Variants in UNG observed in about 807,000 individuals in gnomAD.
UNG encodes the protein uracil DNA glycosylase.
In UNG, 34 loss-of-function variants were observed where a neutral mutation model predicts 36.5. That is an observed-to-expected ratio of 0.93 (90% confidence interval 0.71 to 1.24). UNG has a LOEUF of 1.24. Ranked by LOEUF, UNG falls within the 50% of genes most tolerant of loss-of-function variation. The pLI is 0.00. For missense variants in UNG, 391 were observed against 397.6 expected (o/e 0.98, Z 0.14); for synonymous variants, 172 against 157.8 (o/e 1.09, Z -0.67).
At chr12:109,098,348 C>T (rs763098966) in intron 1 of UNG, 84 bp from the exon 2 acceptor site, 11 of 1,603,580 alleles carry the variant, frequency 6.9e-6, no homozygotes, top group Middle Eastern at 1.7e-4. Flanking sequence ...CTGCCTTGGG[C>T]CGTGGGGGTT....
At chr12:109,105,708 C>G (rs894028693) in intron 6 of UNG, among the ~76,000 whole-genome samples, 6 of 152,204 alleles carry the variant, frequency 3.9e-5, no homozygotes, top group Non-Finnish European at 7.3e-5. Flanking sequence ...ACCTCTCTTT[C>G]TCCCCTCTTC....
chr12:109,103,417 T>C lies in UNG; in HGVS notation c.623-16T>C. On this transcript the variant is annotated splice_polypyrimidine_tract_variant and intron_variant, in intron 5 of 6. Transcript: ENST00000242576. ...TGCCTGAGCCTACATTTAACCTGTT[T>C]CTCTCATGTGTATAGGTGTTCTCCT... 6.2e-7 allele frequency: 1 copy of C among 1,613,698 alleles called. No homozygotes were observed. The highest frequency in any genetic ancestry group is 8.5e-7 in the Non-Finnish European group (1 of 1,179,652).
intron 6 of UNG, among the ~76,000 whole-genome samples, chr12:109,109,464 A>C: frequency 6.7e-6 from 1 of 149,968 alleles, no homozygotes; most frequent in Non-Finnish European, 1.5e-5. Flanking sequence ...TGCAACAGCC[A>C]CAGTCCTTCC....
chr12:109,109,452 A>G (rs1301685117), intron 6 of UNG, among the ~76,000 whole-genome samples: 1 of 151,492 alleles, frequency 6.6e-6, no homozygotes, highest in East Asian at 1.9e-4. Flanking sequence ...AGGGTCTTAA[A>G]GTGCAACAGC....
Position 109,110,067 on chromosome 12 carries a change from G to C in UNG, c.*98G>C. On this transcript the variant is annotated 3_prime_UTR_variant, in exon 7 of 7. Transcript: ENST00000242576. ...TTTCCTATTAATTCTTAAGTACTCT[G>C]CATAAGGGGGAAAAGCTTCCAGAAA... 6.5e-7 allele frequency: 1 copy of C among 1,542,782 alleles called. No individual in the cohort carries two copies. Among genetic ancestry groups the C allele is most frequent in the Non-Finnish European group, 8.8e-7 (1 of 1,130,868 alleles).
chr12:109,099,348 G>A, intron 3 of UNG, 64 bp downstream of exon 3: 1 of 1,377,892 alleles, frequency 7.3e-7, no homozygotes, highest in Non-Finnish European at 1.0e-6. Flanking sequence ...TTTAAATTAG[G>A]GACACTGGAG....
Position 109,110,024 on chromosome 12 carries a change from CGAA to C in UNG, c.*57_*59del. On this transcript the variant is annotated 3_prime_UTR_variant, in exon 7 of 7. Coordinates refer to ENST00000242576, the MANE Select transcript of UNG (RefSeq NM_080911.3). The stretch of plus-strand genomic sequence containing the variant: ...CTGCTGTTAACGTATTTGCCAGTTA[CGAA>C]GTTCCACTGAAAATTTTCCTATTAA... 1 of 1,612,626 alleles carries C rather than the reference CGAA, an allele frequency of 6.2e-7. No individual in the cohort carries two copies. The highest frequency in any genetic ancestry group is 1.1e-5 in the South Asian group (1 of 91,036).
At chr12:109,102,415 T>G (rs1593321393) in intron 4 of UNG, among the ~76,000 whole-genome samples, 1 of 148,848 alleles carries the variant, frequency 6.7e-6, no homozygotes, top group Admixed American at 6.8e-5. Flanking sequence ...GAGGCGGAGG[T>G]GGCAGTGAGC....
chr12:109,108,600 C>G (rs1225884364), intron 6 of UNG, among the ~76,000 whole-genome samples: 1 of 152,026 alleles, frequency 6.6e-6, no homozygotes, highest in Non-Finnish European at 1.5e-5. Context: ...CCACTACACT[C>G]TAGCCTGGGT....
At chr12:109,106,605 T>C (rs1448640782) in intron 6 of UNG, among the ~76,000 whole-genome samples, 1 of 151,692 alleles carries the variant, frequency 6.6e-6, no homozygotes, top group East Asian at 2.0e-4. Context: ...TCCCATAAGA[T>C]TATAATATTC....
Position 109,098,582 on chromosome 12 carries a change from GGA to G in UNG, c.289_290del (p.Ser97LeufsTer45), listed in dbSNP as rs1566119977. 1.2e-6 allele frequency: 2 copies of G among 1,613,496 alleles called. No individual in the cohort carries two copies. ...GGCCCGCAACGTGCCCGTGGGCTTT[GGA>G]GAGAGCTGGAAGAAGCACCTCAGCG... Reference protein sequence around the residue: ...LAARNVPVGFGESWKKHLSGE... With the variant: ...LAARNVPVGFXESWKKHLSGE... On this transcript the variant is annotated frameshift_variant, in exon 2 of 7. Coordinates refer to ENST00000242576, the MANE Select transcript of UNG (RefSeq NM_080911.3). LOFTEE classifies it high-confidence loss of function.
rs144659471 is a variant in UNG, at chr12:109,101,913, C to T, written c.447C>T (p.Val149=). ...CTGGTGGTTCACAGGTGAAGGTTGT[C>T]ATCCTGGGACAGGATCCATATCATG... ...QMCDIKDVKV[V]ILGQDPYHGP... is the part of the protein sequence containing the mutation. Residue 149 remains valine, a synonymous_variant, in exon 4 of 7, where the codon GTC becomes GTT. Transcript: ENST00000242576. The T allele has an allele frequency of 2.5e-6, 4 of 1,613,864 alleles. No homozygotes were observed. In the African/African-American group the frequency reaches 5.3e-5, roughly 22 times the overall value.
At chr12:109,097,998 A>T in intron 1 of UNG, 187 bp downstream of exon 1, 1 of 1,258,632 alleles carries the variant, frequency 7.9e-7, no homozygotes, top group Non-Finnish European at 1.0e-6. Context: ...AGGGCCAGCC[A>T]ATGGGAACGC....
At chr12:109,109,566 C>T (rs1425324518) in intron 6 of UNG, among the ~76,000 whole-genome samples, 3 of 151,590 alleles carry the variant, frequency 2.0e-5, no homozygotes, top group Non-Finnish European at 2.9e-5. Flanking sequence ...GAGCGGATCA[C>T]GAGGTCAAGA....
At position 109,109,885 on chromosome 12, in the gene UNG, G is replaced by C. The variant is rs1260521015; in HGVS notation, c.858G>C (p.Gly286=). 6.2e-7 allele frequency: 1 copy of C among 1,614,094 alleles called. No homozygotes were observed. The highest frequency in any genetic ancestry group is 1.1e-5 in the South Asian group (1 of 91,082). Residue 286 remains glycine (G), a synonymous_variant, in exon 7 of 7, where the codon GGG becomes GGC. Transcript: ENST00000242576. ...AHPSPLSVYR[G]FFGCRHFSKT... ...CCTCCCCTTTGTCAGTGTATAGAGG[G>C]TTCTTTGGATGTAGACACTTTTCAA... is the stretch of plus-strand genomic sequence containing the variant.
In UNG at chr12:109,109,843, A is replaced by G. The variant is rs35158079; in HGVS notation, c.816A>G (p.Val272=). The G allele has an allele frequency of 6.2e-7, 1 of 1,613,792 alleles. No individual in the cohort carries two copies. Among genetic ancestry groups the G allele is most frequent in the African/African-American group, 1.3e-5 (1 of 74,896 alleles). Residue 272 remains valine, a synonymous_variant, in exon 7 of 7, where the codon GTA becomes GTG. Coordinates refer to ENST00000242576, the MANE Select transcript of UNG (RefSeq NM_080911.3). ...ATCTTTTTCAGAAGCGGCACCATGT[A>G]CTACAGACGGCTCATCCCTCCCCTT... is the stretch of plus-strand genomic sequence containing the variant. ...GSAIDRKRHH[V]LQTAHPSPLS... is the part of the protein sequence containing the mutation.
intron 1 of UNG, chr12:109,098,182 C>A (rs986808222): frequency 7.0e-7 from 1 of 1,421,236 alleles, no homozygotes; most frequent in Admixed American, 2.9e-5. Context: ...GTGCAGGGTT[C>A]CCAGTCACCG....
intron 3 of UNG, among the ~76,000 whole-genome samples, chr12:109,101,380 A>G (rs1220526952): frequency 1.3e-5 from 2 of 150,382 alleles, no homozygotes; most frequent in East Asian, 4.1e-4. Flanking sequence ...GTGAGCCACC[A>G]TGCCAGGCCC....
At chr12:109,100,076 A>AC (rs113481690) in intron 3 of UNG, among the ~76,000 whole-genome samples, 1 of 152,000 alleles carries the variant, frequency 6.6e-6, no homozygotes, top group Non-Finnish European at 1.5e-5. Flanking sequence ...CAAAAAAAAA[A>AC]CCGTGGCTTC....
Sources: allele counts gnomAD v4.1 joint callset (sites outside exome capture counted in the v4.1 genomes callset), GRCh38; gene constraint gnomAD v4.1.1; transcripts MANE v1.5; gene names NCBI Gene and HGNC (gene_info 2026-07-23, HGNC 2026-07-21).